Variants in IL37 observed in about 807,000 individuals in gnomAD.
The protein encoded by IL37 is interleukin-37.
A neutral mutation model predicts 15.4 loss-of-function variants in IL37; 15 were observed. That is an observed-to-expected ratio of 0.98 (90% CI 0.65 to 1.50). The LOEUF (loss-of-function observed/expected upper bound fraction) is 1.50, where lower values mean the gene tolerates loss of function less well. Among genes scored for constraint, IL37 ranks in the 40% most tolerant of loss-of-function variants. The pLI is 0.00. For synonymous variants in IL37, 98 were observed against 97.4 expected (o/e 1.01, Z -0.03); for missense variants, 269 against 261.7 (o/e 1.03, Z -0.19).
At position 112,916,678 on chromosome 2, in the gene IL37, G is replaced by A. The variant is rs28947196; in HGVS notation, c.146-451G>A. On this transcript the variant is annotated intron_variant, in intron 3 of 5. Coordinates refer to ENST00000263326, the MANE Select transcript of IL37 (RefSeq NM_014439.4). ...GAGGGAATGATGCCTCCAGTCAGAG[G>A]GTGCAAAAAAGAGAGTTAAGAAAAA... 5.2e-3 allele frequency among the ~76,000 whole-genome samples: 783 copies of A among 151,900 alleles called. 3 individuals are homozygous for A. The highest frequency in any genetic ancestry group is 0.018 in the African/African-American group (734 of 41,446).
chr2:112,915,973 G>A (rs940143058), intron 3 of IL37, among the ~76,000 whole-genome samples: 2 of 151,728 alleles, frequency 1.3e-5, no homozygotes, highest in African/African-American at 2.4e-5. Flanking sequence ...AAGCTACCCT[G>A]TGCAGAGGGG....
intron 3 of IL37, 108 bp from the exon 4 acceptor site, chr2:112,917,021 C>A (rs1267873745): frequency 5.5e-6 from 7 of 1,264,328 alleles, no homozygotes; most frequent in Non-Finnish European, 6.6e-6. Flanking sequence ...ATGTCTGAGC[C>A]CACAGGCAGG....
At chr2:112,917,025 A>G (rs1049397479) in intron 3 of IL37, 104 bp from the exon 4 acceptor site, 9 of 1,302,376 alleles carry the variant, frequency 6.9e-6, no homozygotes, top group East Asian at 2.4e-5. Flanking sequence ...CTGAGCCCAC[A>G]GGCAGGGTGG....
At chr2:112,912,941 G>A (rs1683208157) in intron 1 of IL37, 22 bp from the exon 2 acceptor site, 1 of 1,112,292 alleles carries the variant, frequency 9.0e-7, no homozygotes, top group Admixed American at 2.3e-5. Flanking sequence ...TGCCATAACT[G>A]GTCCCCTTTC....
intron 5 of IL37, among the ~76,000 whole-genome samples, chr2:112,918,100 T>C (rs545221365): frequency 1.3e-5 from 2 of 152,220 alleles, no homozygotes; most frequent in African/African-American, 4.8e-5. Flanking sequence ...AGCAACACAA[T>C]TGGGCCAGGA....
At position 112,918,445 on chromosome 2, in the gene IL37, T is replaced by C. The variant is rs566074324; in HGVS notation, c.409-116T>C. 9 of 1,200,526 alleles carry C rather than the reference T, an allele frequency of 7.5e-6. No individual in the cohort carries two copies. In the Admixed American group the frequency reaches 1.6e-4, roughly 22 times the overall value. The allele number at this position is 1,200,526 out of a possible 1,614,324, so 74.4% of individuals were successfully genotyped here. ...GACACGTCATCTTTCCCAAGGACCA[T>C]CTGCCTTCTCTCTTTTCCTCCTCTC... is the stretch of plus-strand genomic sequence containing the variant. On this transcript the variant is annotated intron_variant, in intron 5 of 5. Transcript: ENST00000263326.
chr2:112,917,577 C>A, intron 4 of IL37, 58 bp from the exon 5 acceptor site: 1 of 1,503,252 alleles, frequency 6.7e-7, no homozygotes, highest in Non-Finnish European at 8.9e-7. Flanking sequence ...CCCCAGCAGA[C>A]AGGAGAGACC....
rs527313135 is a variant in IL37, at chr2:112,912,944, C to T, written c.-50-19C>T. The T allele has an allele frequency of 1.7e-6, 2 of 1,157,926 alleles. No homozygotes were observed. Among genetic ancestry groups the T allele is most frequent in the South Asian group, 2.8e-5 (2 of 71,036 alleles). 71.7% of individuals were successfully genotyped at this position (1,157,926 alleles called of 1,614,324 possible). On this transcript the variant is annotated intron_variant, in intron 1 of 5. Transcript: ENST00000263326. ...GGGGTGAGAAGATGCCATAACTGGT[C>T]CCCTTTCTATCTCCTTAGGTCTTGG...
intron 3 of IL37, among the ~76,000 whole-genome samples, chr2:112,914,850 G>A (rs1683263519): frequency 6.6e-6 from 1 of 152,140 alleles, no homozygotes; most frequent in Non-Finnish European, 1.5e-5. Flanking sequence ...GAAGTGTTAG[G>A]AATACACATT....
chr2:112,917,352 G>A, intron 4 of IL37, 104 bp downstream of exon 4: 1 of 1,356,848 alleles, frequency 7.4e-7, no homozygotes, highest in Non-Finnish European at 1.0e-6. Flanking sequence ...ATCTCCAGCA[G>A]GTGGTGGAAG....
rs768456938 is a variant in IL37, at chr2:112,915,173, A to C, written c.145+1319A>C. ...TTAAGAGGATAGTGAACTAGTCTGC[A>C]TGTGAGACGCTGAGATCCTATGTCA... On this transcript the variant is annotated intron_variant, in intron 3 of 5. Transcript: ENST00000263326. 2.7e-5 allele frequency: 44 copies of C among 1,611,348 alleles called. No homozygotes were observed. In the South Asian group the frequency reaches 3.4e-4, roughly 12 times the overall value.
chr2:112,913,365 T>C (rs1414886329), intron 2 of IL37, among the ~76,000 whole-genome samples: 1 of 152,214 alleles, frequency 6.6e-6, no homozygotes, highest in Non-Finnish European at 1.5e-5. Context: ...ACTGGATGGT[T>C]GCATATGCTT....
intron 1 of IL37, among the ~76,000 whole-genome samples, chr2:112,911,850 A>G (rs942372442): frequency 1.3e-5 from 2 of 151,986 alleles, no homozygotes; most frequent in African/African-American, 4.8e-5. Context: ...AGCGCCTCCA[A>G]TTTTTTGTGT....
Position 112,912,944 on chromosome 2 carries a change from C to A in IL37, c.-50-19C>A. ...GGGGTGAGAAGATGCCATAACTGGT[C>A]CCCTTTCTATCTCCTTAGGTCTTGG... is the stretch of plus-strand genomic sequence containing the variant. On this transcript the variant is annotated intron_variant, in intron 1 of 5. Coordinates refer to ENST00000263326, the MANE Select transcript of IL37 (RefSeq NM_014439.4). The A allele has an allele frequency of 8.6e-7, 1 of 1,157,924 alleles. No individual in the cohort carries two copies. The highest frequency in any genetic ancestry group is 1.2e-6 in the Non-Finnish European group (1 of 800,874). The allele number at this position is 1,157,924 out of a possible 1,614,324, so 71.7% of individuals were successfully genotyped here.
intron 5 of IL37, among the ~76,000 whole-genome samples, chr2:112,918,094 A>T (rs1470497024): frequency 1.3e-5 from 2 of 152,308 alleles, no homozygotes; most frequent in African/African-American, 4.8e-5. Flanking sequence ...GTGGCAAGCA[A>T]CACAATTGGG....
At chr2:112,918,443 C>A in intron 5 of IL37, 118 bp from the exon 6 acceptor site, 2 of 1,163,356 alleles carry the variant, frequency 1.7e-6, no homozygotes, top group African/African-American at 1.5e-5. Flanking sequence ...TCCCAAGGAC[C>A]ATCTGCCTTC....
At position 112,918,739 on chromosome 2, in the gene IL37, G is replaced by C; in HGVS notation, c.587G>C (p.Arg196Thr). 6.2e-7 allele frequency: 1 copy of C among 1,614,074 alleles called. No homozygotes were observed. The highest frequency in any genetic ancestry group is 8.5e-7 in the Non-Finnish European group (1 of 1,180,026). The change falls in exon 6 of 6, where the codon AGG (arginine) becomes ACG (threonine). Residue 196 changes from arginine (R) to threonine (T), a missense_variant. By Grantham distance (71) the Arg-to-Thr change is moderately conservative. Coordinates refer to ENST00000263326, the MANE Select transcript of IL37 (RefSeq NM_014439.4). ...PVGVTDKFEN[R>T]KHIEFSFQPV... ...GGGGTGACAGATAAATTTGAGAACA[G>C]GAAACACATTGAATTTTCATTTCAA...
Position 112,913,838 on chromosome 2 carries a change from G to T in IL37, c.129G>T (p.Met43Ile). 1.9e-6 allele frequency: 3 copies of T among 1,613,636 alleles called. No individual in the cohort carries two copies. The highest frequency in any genetic ancestry group is 2.5e-6 in the Non-Finnish European group (3 of 1,179,562). Residue 43 changes from methionine (M) to isoleucine (I), a missense_variant, in exon 3 of 6, where the codon ATG becomes ATT. Transcript: ENST00000263326. Reference sequence around the variant, plus strand: ...AACCAGGCCCAAGCCTCCCCACCATGAATTTTGTTCACACAAGTAAGGCCT... The same window carrying T: ...AACCAGGCCCAAGCCTCCCCACCATTAATTTTGTTCACACAAGTAAGGCCT... ...PLEPGPSLPT[M>I]NFVHTSPKVK...
chr2:112,913,784 G>C lies in IL37; in HGVS notation c.83-8G>C, dbSNP rs764025997. 6 of 1,613,270 alleles carry C rather than the reference G, an allele frequency of 3.7e-6. No individual in the cohort carries two copies. The highest frequency in any genetic ancestry group is 4.2e-6 in the Non-Finnish European group (5 of 1,179,276). ...TGCATATGCTAACCTCACTGCGTCT[G>C]ACTGCAGACCCGGCTGGAAGCCCCC... On this transcript the variant is annotated splice_region_variant and splice_polypyrimidine_tract_variant and intron_variant, in intron 2 of 5. Transcript: ENST00000263326.
Sources: gnomAD v4.1 joint callset for allele counts (sites outside exome capture counted in the v4.1 genomes callset) on GRCh38, gnomAD v4.1.1 for gene constraint, MANE v1.5 for transcripts, NCBI Gene and HGNC (gene_info 2026-07-23, HGNC 2026-07-21) for gene names.